Variants in DLGAP1 observed in about 807,000 individuals in gnomAD.
DLGAP1 encodes DLG associated protein 1, also known as disks large-associated protein 1.
Under a neutral mutation model 90.8 loss-of-function variants are expected in DLGAP1, and 11 were observed. The ratio of observed to expected loss-of-function variants is 0.12; its 90% CI spans 0.08 to 0.20. The LOEUF (loss-of-function observed/expected upper bound fraction) is 0.20. Among genes scored for constraint, DLGAP1 ranks in the 10% least tolerant of loss-of-function variants. The probability of loss-of-function intolerance (pLI) is 1.00; values close to 1 mark genes in which losing one functional copy is unlikely to be tolerated. For missense variants in DLGAP1, 1,050 were observed against 1,333.8 expected, an observed-to-expected ratio of 0.79 and a Z score of 3.31; for synonymous variants, 558 against 540.7, an observed-to-expected ratio of 1.03 and a Z score of -0.44.
At chr18:4,329,952 T>C (rs1004054125) in intron 1 of DLGAP1, among the ~76,000 whole-genome samples, 10 of 151,976 alleles carry the variant, frequency 6.6e-5, no homozygotes, top group African/African-American at 1.7e-4. Context: ...ATTGGAAATA[T>C]TTTTTGCCTG....
At chr18:4,318,420 G>A (rs2080588215) in intron 1 of DLGAP1, among the ~76,000 whole-genome samples, 1 of 152,192 alleles carries the variant, frequency 6.6e-6, no homozygotes, top group African/African-American at 2.4e-5. Flanking sequence ...AAATCTGAAA[G>A]TTGTAACATG....
intron 10 of DLGAP1, among the ~76,000 whole-genome samples, chr18:3,509,596 A>G (rs1413667843): frequency 6.6e-6 from 1 of 151,986 alleles, no homozygotes; most frequent in Non-Finnish European, 1.5e-5. Context: ...CTAGAGCAGG[A>G]GAACTTCTCA....
At chr18:4,049,761 A>T (rs1055880805) in intron 2 of DLGAP1, among the ~76,000 whole-genome samples, 1 of 151,978 alleles carries the variant, frequency 6.6e-6, no homozygotes, top group South Asian at 2.1e-4. Flanking sequence ...CTAGGTTTTT[A>T]CTTTACCCTT....
intron 7 of DLGAP1, among the ~76,000 whole-genome samples, chr18:3,616,697 G>C (rs1429785022): frequency 6.6e-6 from 1 of 152,094 alleles, no homozygotes; most frequent in African/African-American, 2.4e-5. Context: ...CGAGGCTGCA[G>C]TGAGCCGTGA....
At chr18:4,339,292 CAG>C (rs1182263206) in intron 1 of DLGAP1, among the ~76,000 whole-genome samples, 2 of 152,056 alleles carry the variant, frequency 1.3e-5, no homozygotes, top group East Asian at 3.9e-4. Flanking sequence ...TGGACACAGA[CAG>C]GGGAATAACA....
chr18:4,022,505 C>G (rs1306226924), intron 2 of DLGAP1, among the ~76,000 whole-genome samples: 2 of 151,996 alleles, frequency 1.3e-5, no homozygotes, highest in African/African-American at 4.8e-5. Flanking sequence ...GCATAAGTAT[C>G]TTCTAACTTT....
At chr18:3,562,993 C>T (rs1239170401) in intron 9 of DLGAP1, among the ~76,000 whole-genome samples, 2 of 151,706 alleles carry the variant, frequency 1.3e-5, no homozygotes, top group Non-Finnish European at 2.9e-5. Flanking sequence ...AGCCAGATAA[C>T]TTTTTGTATT....
chr18:4,247,720 T>C (rs1042372569), intron 1 of DLGAP1, among the ~76,000 whole-genome samples: 1 of 151,998 alleles, frequency 6.6e-6, no homozygotes, highest in Non-Finnish European at 1.5e-5. Context: ...GAGGTTGCAG[T>C]GAGCCCATAT....
At chr18:3,732,998 T>G (rs887434516) in intron 6 of DLGAP1, among the ~76,000 whole-genome samples, 1 of 152,186 alleles carries the variant, frequency 6.6e-6, no homozygotes, top group African/African-American at 2.4e-5. Flanking sequence ...CTTTATTCCA[T>G]ACTAAGAATC....
intron 3 of DLGAP1, among the ~76,000 whole-genome samples, chr18:3,960,132 T>C (rs1458800216): frequency 6.6e-6 from 1 of 152,248 alleles, no homozygotes; most frequent in East Asian, 1.9e-4. Flanking sequence ...TTGAAAACTC[T>C]TCACTTGAAT....
At chr18:4,323,898 T>C (rs193293112) in intron 1 of DLGAP1, among the ~76,000 whole-genome samples, 1 of 152,152 alleles carries the variant, frequency 6.6e-6, no homozygotes, top group East Asian at 1.9e-4. Context: ...GTTTATAGCA[T>C]CTAACGTTCA....
Position 3,681,170 on chromosome 18 carries a change from A to G in DLGAP1, c.1591+47965T>C, listed in dbSNP as rs1012032031. Among the ~76,000 whole-genome samples, 11 of 152,358 alleles carry G rather than the reference A, an allele frequency of 7.2e-5. No homozygotes were observed. In the East Asian group the frequency reaches 1.9e-3, roughly 27 times the overall value. ...GGGCTATGAATTGGCATCATCCTAG[A>G]GAAATTTCAAGTGGCTTAAGTGGAC... On this transcript the variant is annotated intron_variant, in intron 7 of 12. Transcript: ENST00000315677.
chr18:3,924,254 C>A (rs78597997), intron 3 of DLGAP1, among the ~76,000 whole-genome samples: 4,528 of 152,258 alleles, frequency 0.03, 219 homozygotes, highest in African/African-American at 0.1. Flanking sequence ...CTTGCATATA[C>A]CCTCCTCAAT....
At chr18:3,718,359 A>C (rs926028559) in intron 7 of DLGAP1, among the ~76,000 whole-genome samples, 1 of 152,050 alleles carries the variant, frequency 6.6e-6, no homozygotes, top group Admixed American at 6.5e-5. Context: ...TGCTGGGTAC[A>C]GTGGCTCAGT....
intron 1 of DLGAP1, among the ~76,000 whole-genome samples, chr18:4,286,349 C>T (rs952043443): frequency 1.3e-5 from 2 of 152,064 alleles, no homozygotes; most frequent in Admixed American, 1.3e-4. Flanking sequence ...AAAACTATTC[C>T]AAACAGGACC....
intron 7 of DLGAP1, among the ~76,000 whole-genome samples, chr18:3,666,382 A>G (rs1021351115): frequency 6.6e-6 from 1 of 152,164 alleles, no homozygotes; most frequent in African/African-American, 2.4e-5. Flanking sequence ...CCTTTGCCCC[A>G]GGATCCTGCC....
intron 2 of DLGAP1, among the ~76,000 whole-genome samples, chr18:4,083,035 G>A (rs568428728): frequency 6.6e-6 from 1 of 152,194 alleles, no homozygotes; most frequent in South Asian, 2.1e-4. Context: ...TTCAGGCTAT[G>A]ATCCCCCAAA....
chr18:4,351,397 T>C (rs905794687), intron 1 of DLGAP1, among the ~76,000 whole-genome samples: 11 of 152,318 alleles, frequency 7.2e-5, no homozygotes, highest in African/African-American at 2.6e-4. Context: ...TTATCTATTC[T>C]AGGGTCATAT....
At chr18:4,181,570 G>A (rs913485508) in intron 1 of DLGAP1, among the ~76,000 whole-genome samples, 4 of 152,136 alleles carry the variant, frequency 2.6e-5, no homozygotes, top group Non-Finnish European at 5.9e-5. Context: ...AAAACCGAAA[G>A]CTCCTGTGTC....
Sources: gnomAD v4.1 joint callset for allele counts (sites outside exome capture counted in the v4.1 genomes callset) on GRCh38, gnomAD v4.1.1 for gene constraint, MANE v1.5 for transcripts, NCBI Gene and HGNC (gene_info 2026-07-23, HGNC 2026-07-21) for gene names.